NRG3: variants seen among roughly 807,000 people sequenced by gnomAD.
NRG3 encodes neuregulin 3.
NRG3 carries 31 observed loss-of-function variants against 66.9 expected under a neutral mutation model. That is an observed-to-expected ratio of 0.46 (90% confidence interval 0.35 to 0.63). The LOEUF (loss-of-function observed/expected upper bound fraction) is 0.63. Ranked by LOEUF, NRG3 falls within the 20% of genes least tolerant of loss-of-function variation. The pLI is 0.00. For synonymous variants in NRG3, 393 were observed against 359.4 expected, an observed-to-expected ratio of 1.09 and a Z score of -1.06; for missense variants, 910 against 878.9, an observed-to-expected ratio of 1.04 and a Z score of -0.45.
intron 2 of NRG3, among the ~76,000 whole-genome samples, chr10:82,528,173 A>G (rs1846906786): frequency 6.6e-6 from 1 of 152,146 alleles, no homozygotes; most frequent in Non-Finnish European, 1.5e-5. Flanking sequence ...TTTAACAACT[A>G]TTGTTGGATC....
At chr10:82,743,120 C>T (rs2058499366) in intron 3 of NRG3, among the ~76,000 whole-genome samples, 1 of 152,218 alleles carries the variant, frequency 6.6e-6, no homozygotes, top group East Asian at 1.9e-4. Flanking sequence ...GCCTTTCTCT[C>T]CCTGTCAGAA....
chr10:82,190,120 A>G (rs960223122), intron 1 of NRG3, among the ~76,000 whole-genome samples: 3 of 152,120 alleles, frequency 2.0e-5, no homozygotes, highest in African/African-American at 7.2e-5. Flanking sequence ...TTGACAAAAC[A>G]CCTTTGCCCA....
chr10:81,986,970 A>G (rs2060545609), intron 1 of NRG3, among the ~76,000 whole-genome samples: 1 of 152,118 alleles, frequency 6.6e-6, no homozygotes, highest in African/African-American at 2.4e-5. Context: ...AACCTTTAAT[A>G]TAAAATTTCT....
chr10:82,957,584 A>G (rs370291141), intron 5 of NRG3, among the ~76,000 whole-genome samples: 3 of 152,044 alleles, frequency 2.0e-5, no homozygotes, highest in South Asian at 2.1e-4. Flanking sequence ...AACTATCACA[A>G]AAGTCTGTGA....
At position 81,928,732 on chromosome 10, in the gene NRG3, C is replaced by T. The variant is rs113552526; in HGVS notation, c.823+52569C>T. 4.3e-4 allele frequency among the ~76,000 whole-genome samples: 65 copies of T among 152,036 alleles called. 1 individual carries two copies. The highest frequency in any genetic ancestry group is 1.3e-3 in the African/African-American group (56 of 41,484). On this transcript the variant is annotated intron_variant, in intron 1 of 8. Transcript: ENST00000372141. ...TGTCATGTATAATCATAATAAGAGC[C>T]GTAATAGTATTTTAAAAGGTTTAAA...
chr10:81,875,862 C>T lies in NRG3; in HGVS notation c.522C>T (p.Pro174=). 6.2e-7 allele frequency: 1 copy of T among 1,610,362 alleles called. No individual in the cohort carries two copies. Among genetic ancestry groups the T allele is most frequent in the Non-Finnish European group, 8.5e-7 (1 of 1,179,724 alleles). Residue 174 remains proline (P), a synonymous_variant, in exon 1 of 9, where the codon CCC becomes CCT. Coordinates refer to ENST00000372141, the MANE Select transcript of NRG3 (RefSeq NM_001010848.4). This position sits in a 1 kb window ranked among gnomAD's most constrained non-coding sequence, Gnocchi z 5.3. Reference sequence around the variant, plus strand: ...CTCGCTTCCCCGGGCACCGGGTGCCCATCCGGGCCAGCCCGCGCTCCACCA... The same window carrying T: ...CTCGCTTCCCCGGGCACCGGGTGCCTATCCGGGCCAGCCCGCGCTCCACCA... ...APTRFPGHRV[P]IRASPRSTTA...
At chr10:82,528,791 G>A (rs1846969200) in intron 2 of NRG3, among the ~76,000 whole-genome samples, 1 of 152,008 alleles carries the variant, frequency 6.6e-6, no homozygotes, top group Non-Finnish European at 1.5e-5. Flanking sequence ...AAAAAGTATT[G>A]CCAGTTGCAG....
chr10:82,197,339 A>C (rs2074504124), intron 1 of NRG3, among the ~76,000 whole-genome samples: 1 of 152,186 alleles, frequency 6.6e-6, no homozygotes, highest in Admixed American at 6.5e-5. Context: ...GGTTAAACTT[A>C]GTTTTCTGAC....
intron 1 of NRG3, among the ~76,000 whole-genome samples, chr10:82,015,618 A>G (rs1280615503): frequency 6.6e-6 from 1 of 151,922 alleles, no homozygotes; most frequent in African/African-American, 2.4e-5. Context: ...TTTGCTCGGC[A>G]CTTCTCCTTT....
rs534067829 is a variant in NRG3, at chr10:82,858,942, C to CTTTTT, written c.1028-6451_1028-6447dup. ...ATTTAACTTCAAGGCAGTAGTCTAA[C>CTTTTT]TTTTTTTTTTTTTTTTTTTTTTGAG... On this transcript the variant is annotated intron_variant, in intron 3 of 8. Transcript: ENST00000372141. Among the ~76,000 whole-genome samples the CTTTTT allele has an allele frequency of 6.4e-3, 796 of 124,182 alleles. 18 individuals are homozygous for CTTTTT. The highest frequency in any genetic ancestry group is 9.8e-3 in the Non-Finnish European group (593 of 60,580). 81.5% of individuals were successfully genotyped at this position (124,182 alleles called of 152,430 possible).
rs904279841 is a variant in NRG3 at position 82,438,136 on chromosome 10, G to A, written c.953+79268G>A. ...TCTTCTGGGCTGCCCAGATTCCTCA[G>A]AACTACCAGGAGGTGAGGCTAAGTC... On this transcript the variant is annotated intron_variant, in intron 2 of 8. Transcript: ENST00000372141. Among the ~76,000 whole-genome samples the A allele has an allele frequency of 7.9e-5, 12 of 152,204 alleles. 1 individual carries two copies. The highest frequency in any genetic ancestry group is 5.9e-4 in the Admixed American group (9 of 15,290).
At chr10:82,311,683 G>T (rs2081036654) in intron 1 of NRG3, among the ~76,000 whole-genome samples, 1 of 152,112 alleles carries the variant, frequency 6.6e-6, no homozygotes, top group Non-Finnish European at 1.5e-5. Flanking sequence ...GAGCCAGATA[G>T]TAGGTACACT....
At chr10:82,918,768 G>C (rs1216233655) in intron 4 of NRG3, among the ~76,000 whole-genome samples, 1 of 152,168 alleles carries the variant, frequency 6.6e-6, no homozygotes, top group Non-Finnish European at 1.5e-5. Flanking sequence ...CATGATTACA[G>C]TAGTTTGATC....
intron 1 of NRG3, among the ~76,000 whole-genome samples, chr10:82,235,785 G>T (rs1359133816): frequency 6.6e-6 from 1 of 152,118 alleles, no homozygotes; most frequent in Non-Finnish European, 1.5e-5. Flanking sequence ...TACTAGTTGG[G>T]ATTCTGCCTC....
chr10:82,889,640 A>G (rs1231460688), intron 4 of NRG3, among the ~76,000 whole-genome samples: 1 of 152,232 alleles, frequency 6.6e-6, no homozygotes, highest in Non-Finnish European at 1.5e-5. Context: ...CTACAATTCT[A>G]TAAGCTAACT....
At chr10:82,469,110 A>T (rs1307435493) in intron 2 of NRG3, among the ~76,000 whole-genome samples, 1 of 152,142 alleles carries the variant, frequency 6.6e-6, no homozygotes, top group African/African-American at 2.4e-5. Context: ...ACAGTTATTC[A>T]CTTGGCCTGT....
chr10:82,945,064 T>G (rs1385046626), intron 4 of NRG3, among the ~76,000 whole-genome samples: 1 of 152,150 alleles, frequency 6.6e-6, no homozygotes, highest in Non-Finnish European at 1.5e-5. Context: ...TTCTGCAGCA[T>G]TTTGGGAGCA....
intron 1 of NRG3, among the ~76,000 whole-genome samples, chr10:82,008,210 T>C (rs1022926396): frequency 1.3e-5 from 2 of 152,176 alleles, no homozygotes; most frequent in Non-Finnish European, 2.9e-5. Flanking sequence ...TGTAGCATGC[T>C]GTCAGAGTGC....
rs1460530909 is a variant in NRG3, at chr10:82,735,046, GA to G, written c.954-3529del. On this transcript the variant is annotated intron_variant, in intron 2 of 8. Transcript: ENST00000372141. ...AAAAAAAAGAAGGGAAGGGAAGAAG[GA>G]AGGAGGGAGGAAGGAAGAAAGAAAG... Among the ~76,000 whole-genome samples, 3 of 151,832 alleles carry G rather than the reference GA, an allele frequency of 2.0e-5. No homozygotes were observed. The East Asian group carries it at 5.8e-4, about 29-fold the overall frequency.
Sources: allele counts gnomAD v4.1 joint callset (sites outside exome capture counted in the v4.1 genomes callset), GRCh38; gene constraint gnomAD v4.1.1; non-coding constraint Gnocchi (gnomAD v3.1); transcripts MANE v1.5; gene names NCBI Gene and HGNC (gene_info 2026-07-23, HGNC 2026-07-21).